HOOK1: variants seen among roughly 807,000 people sequenced by gnomAD.
HOOK1 encodes the protein protein Hook homolog 1.
A neutral mutation model predicts 112.8 loss-of-function variants in HOOK1; 60 were observed. That is an observed-to-expected ratio of 0.53 (90% CI 0.43 to 0.66). HOOK1 has a LOEUF of 0.66. Among genes scored for constraint, HOOK1 ranks in the 30% least tolerant of loss-of-function variants. HOOK1 has a pLI of 0.00. For synonymous variants in HOOK1, 294 were observed against 283.8 expected (o/e 1.04, Z -0.36); for missense variants, 770 against 856.0 (o/e 0.90, Z 1.25).
intron 2 of HOOK1, 97 bp downstream of exon 2, chr1:59,822,040 T>C (rs2102004628): frequency 3.2e-6 from 3 of 933,608 alleles, no homozygotes; most frequent in Non-Finnish European, 5.1e-6. Flanking sequence ...GTTGCAACTT[T>C]ATCTTACCCA....
In HOOK1 at chr1:59,818,862, G is replaced by C. The variant is rs72921678; in HGVS notation, c.64-2996G>C. 1.7e-3 allele frequency among the ~76,000 whole-genome samples: 254 copies of C among 152,170 alleles called. 1 individual carries two copies. The highest frequency in any genetic ancestry group is 5.9e-3 in the African/African-American group (246 of 41,510). ...GAAAATAAAGTTGATCCAAGATTGA[G>C]TTTTTGTTGGCTGTTGGTTGTGAAA... On this transcript the variant is annotated intron_variant, in intron 1 of 21. Coordinates refer to ENST00000371208, the MANE Select transcript of HOOK1 (RefSeq NM_015888.6).
chr1:59,828,985 A>G, intron 3 of HOOK1, 133 bp downstream of exon 3: 1 of 647,900 alleles, frequency 1.5e-6, no homozygotes, highest in South Asian at 2.3e-5. Flanking sequence ...TAACACATGT[A>G]TTCTCTCATG....
intron 7 of HOOK1, among the ~76,000 whole-genome samples, chr1:59,838,056 G>T (rs1486478552): frequency 6.6e-6 from 1 of 152,082 alleles, no homozygotes; most frequent in African/African-American, 2.4e-5. Context: ...AGTATTCCAT[G>T]GTGTATATGT....
In HOOK1 at chr1:59,833,517, T is replaced by A; in HGVS notation, c.386T>A (p.Ile129Asn). The change falls in exon 5 of 22, where the codon ATC becomes AAC. Residue 129 changes from isoleucine (I) to asparagine (N), a missense_variant. By Grantham distance (149) the Ile-to-Asn change is moderately radical. Around this residue, in one of 3 missense-constraint regions of HOOK1, gnomAD observed 655 missense variants for 725.9 expected, o/e 0.90. Transcript: ENST00000371208. ...CTCCAGCTTATTTTAGGTTGTGCGA[T>A]CAACTGTGAAAAGAAGCAAGGTAAG... Reference protein sequence around the residue: ...RLLQLILGCAINCEKKQEHIQ... With the variant: ...RLLQLILGCANNCEKKQEHIQ... 6.4e-7 allele frequency: 1 copy of A among 1,574,300 alleles called. No individual in the cohort carries two copies. Among genetic ancestry groups the A allele is most frequent in the Non-Finnish European group, 8.7e-7 (1 of 1,155,310 alleles).
At chr1:59,871,663 G>A (rs1644057054) in intron 21 of HOOK1, among the ~76,000 whole-genome samples, 2 of 152,082 alleles carry the variant, frequency 1.3e-5, no homozygotes, top group South Asian at 4.1e-4. Flanking sequence ...GTATCAGTAG[G>A]ATATTTTCAA....
rs763953589 is a variant in HOOK1 at position 59,862,823 on chromosome 1, T to A, written c.1572T>A (p.Ile524=). The change falls in exon 16 of 22, where the codon ATT becomes ATA. Residue 524 remains isoleucine (I), a synonymous_variant. Transcript: ENST00000371208. The stretch of plus-strand genomic sequence containing the variant: ...GTATTAGAGAATTGCAGCAGCAGAT[T>A]GAGGACCTCCAGAAATCTTTACAGG... ...KERIRELQQQ[I]EDLQKSLQEQ... 7 of 1,612,448 alleles carry A rather than the reference T, an allele frequency of 4.3e-6. No individual in the cohort carries two copies. In the East Asian group the frequency reaches 1.3e-4, roughly 31 times the overall value.
chr1:59,858,666 GT>G lies in HOOK1; in HGVS notation c.1330+154del. Reference sequence around the variant, plus strand: ...GCGGGAGGATCACTTGAGCCTAGGAGTTTGAAGTTGCAGTGAGCTATGATTG... The same window carrying G: ...GCGGGAGGATCACTTGAGCCTAGGAGTTGAAGTTGCAGTGAGCTATGATTG... On this transcript the variant is annotated intron_variant, in intron 13 of 21. Transcript: ENST00000371208. The G allele has an allele frequency of 4.7e-6, 3 of 637,160 alleles. No homozygotes were observed. The South Asian group carries it at 5.7e-5, about 12-fold the overall frequency. 39.5% of individuals were successfully genotyped at this position (637,160 alleles called of 1,614,324 possible). A position where few individuals can be genotyped will look rare whatever the true frequency, so the allele number is the denominator to read the frequency against.
intron 10 of HOOK1, among the ~76,000 whole-genome samples, chr1:59,847,835 A>G (rs1160368896): frequency 6.6e-6 from 1 of 151,674 alleles, no homozygotes; most frequent in Non-Finnish European, 1.5e-5. Context: ...TTATTTATAT[A>G]TTTAAGTCAG....
intron 15 of HOOK1, among the ~76,000 whole-genome samples, chr1:59,861,046 G>T (rs2098413354): frequency 6.6e-6 from 1 of 151,916 alleles, no homozygotes; most frequent in Admixed American, 6.6e-5. Context: ...AAAGTGCTGG[G>T]ATTACAGGCG....
At chr1:59,820,376 TAA>T (rs1245709821) in intron 1 of HOOK1, among the ~76,000 whole-genome samples, 2 of 152,188 alleles carry the variant, frequency 1.3e-5, no homozygotes, top group Non-Finnish European at 2.9e-5. Flanking sequence ...AAGTGTAAAA[TAA>T]GTCCAAGCTT....
At chr1:59,863,847 A>G (rs1421603527) in intron 16 of HOOK1, 2 of 969,610 alleles carry the variant, frequency 2.1e-6, no homozygotes, top group Non-Finnish European at 2.5e-6. Flanking sequence ...GCATGGCGGC[A>G]TCTCATATGT....
At chr1:59,830,132 G>T (rs1321096838) in intron 3 of HOOK1, among the ~76,000 whole-genome samples, 1 of 151,980 alleles carries the variant, frequency 6.6e-6, no homozygotes, top group Non-Finnish European at 1.5e-5. Flanking sequence ...GTCTGTCTTG[G>T]TGAATGTTCC....
In HOOK1 at chr1:59,872,912, A is replaced by G; in HGVS notation, c.2134A>G (p.Thr712Ala). Residue 712 changes from threonine (T) to alanine (A), a missense_variant, in exon 22 of 22, where the codon ACC becomes GCC. By Grantham distance (58) the Thr-to-Ala change is moderately conservative. This residue lies in a region of HOOK1 where 111 missense variants were observed against 111.8 expected (regional missense o/e 0.99). Coordinates refer to ENST00000371208, the MANE Select transcript of HOOK1 (RefSeq NM_015888.6). ...RSFLAQQRHI[T>A]NTRRNLSVKV... ...TTTCTTAGCGCAGCAACGGCACATCACCAACACCAGAAGAAATCTCTCTGT... is the reference window on the plus strand; with the variant it reads ...TTTCTTAGCGCAGCAACGGCACATCGCCAACACCAGAAGAAATCTCTCTGT... 1 of 1,525,632 alleles carries G rather than the reference A, an allele frequency of 6.6e-7. No homozygotes were observed. The allele number at this position is 1,525,632 out of a possible 1,614,324, so 94.5% of individuals were successfully genotyped here. A position where few individuals can be genotyped will look rare whatever the true frequency, so the allele number is the denominator to read the frequency against.
chr1:59,832,288 GT>G (rs1449783505), intron 4 of HOOK1, 75 bp downstream of exon 4: 10 of 857,146 alleles, frequency 1.2e-5, no homozygotes, highest in Middle Eastern at 2.4e-4. Flanking sequence ...AAATCACTTG[GT>G]TTTTTGTTTA....
rs554384986 is a variant in HOOK1, at chr1:59,849,413, A to AT, written c.1242+234dup. On this transcript the variant is annotated intron_variant, in intron 12 of 21. Transcript: ENST00000371208. ...GCCAAGGTCATAAGTCTCAATGAAT[A>AT]TTTTCTAATTCTAGACTGTCAGTTG... 4.8e-3 allele frequency among the ~76,000 whole-genome samples: 725 copies of AT among 151,628 alleles called. 4 individuals are homozygous for AT. The highest frequency in any genetic ancestry group is 0.016 in the African/African-American group (676 of 41,510).
At position 59,873,725 on chromosome 1, in the gene HOOK1, CTATATATATATATATA is replaced by C. The variant is rs58867974; in HGVS notation, c.*785_*800del. The C allele has an allele frequency of 8.7e-4, 49 of 56,224 alleles. No homozygotes were observed. The highest frequency in any genetic ancestry group is 0.017 in the Middle Eastern group (1 of 60). 3.5% of individuals were successfully genotyped at this position (56,224 alleles called of 1,614,324 possible). A position where few individuals can be genotyped will look rare whatever the true frequency, so the allele number is the denominator to read the frequency against. Reference sequence around the variant, plus strand: ...AGGTGACTTTCTGATGGAAAGCAAGCTATATATATATATATATATATATATATATATATATATATAC... The same window carrying C: ...AGGTGACTTTCTGATGGAAAGCAAGCTATATATATATATATATATATATAC... On this transcript the variant is annotated 3_prime_UTR_variant, in exon 22 of 22. Transcript: ENST00000371208.
intron 1 of HOOK1, among the ~76,000 whole-genome samples, chr1:59,819,757 C>T (rs2098384246): frequency 6.6e-6 from 1 of 152,106 alleles, no homozygotes; most frequent in Non-Finnish European, 1.5e-5. Flanking sequence ...CTAAGTTACA[C>T]ATTAAAAGTT....
chr1:59,833,680 C>G, intron 5 of HOOK1, 143 bp downstream of exon 5: 2 of 622,422 alleles, frequency 3.2e-6, no homozygotes, highest in Non-Finnish European at 5.0e-6. Context: ...TCTAGCCCAA[C>G]TCTGTCGTTG....
At chr1:59,861,694 C>CT (rs1309712014) in intron 15 of HOOK1, among the ~76,000 whole-genome samples, 3 of 152,150 alleles carry the variant, frequency 2.0e-5, no homozygotes, top group Non-Finnish European at 4.4e-5. Context: ...AATGAACTCT[C>CT]TGTCAATCTG....
Sources: allele counts gnomAD v4.1 joint callset (sites outside exome capture counted in the v4.1 genomes callset), GRCh38; gene constraint gnomAD v4.1.1; regional missense constraint gnomAD v4.1.1; transcripts MANE v1.5; gene names NCBI Gene and HGNC (gene_info 2026-07-23, HGNC 2026-07-21).